ACER3: variants seen among roughly 807,000 people sequenced by gnomAD.
ACER3 encodes the protein alkCDase 3.
Under a neutral mutation model 48.9 loss-of-function variants are expected in ACER3, and 16 were observed. The observed-to-expected ratio is 0.33, with a 90% CI of 0.22 to 0.50. The LOEUF (loss-of-function observed/expected upper bound fraction) is 0.50, where lower values mean the gene tolerates loss of function less well. Among genes scored for constraint, ACER3 ranks in the 20% least tolerant of loss-of-function variants. The probability of loss-of-function intolerance (pLI) is 0.98; values close to 1 mark genes in which losing one functional copy is unlikely to be tolerated. For synonymous variants in ACER3, 109 were observed against 107.8 expected, an observed-to-expected ratio of 1.01 and a Z score of -0.07; for missense variants, 227 against 326.0, an observed-to-expected ratio of 0.70 and a Z score of 2.34.
intron 1 of ACER3, among the ~76,000 whole-genome samples, chr11:76,865,417 T>G (rs1945054780): frequency 1.3e-5 from 2 of 152,194 alleles, no homozygotes; most frequent in African/African-American, 4.8e-5. Flanking sequence ...TTAGCATAAT[T>G]TCTCCTGGGA....
chr11:76,936,843 G>A (rs953698810), intron 2 of ACER3, among the ~76,000 whole-genome samples: 4 of 151,500 alleles, frequency 2.6e-5, no homozygotes, highest in Admixed American at 6.6e-5. Context: ...TCAGCCTCCC[G>A]AGTAGCTGGG....
chr11:76,994,536 G>A (rs576030445), intron 6 of ACER3, among the ~76,000 whole-genome samples: 1 of 152,366 alleles, frequency 6.6e-6, no homozygotes, highest in South Asian at 2.1e-4. Context: ...AAAGTGCTGG[G>A]ATTACAGGCA....
chr11:76,979,968 A>T (rs1043077553), intron 4 of ACER3, among the ~76,000 whole-genome samples: 3 of 150,780 alleles, frequency 2.0e-5, no homozygotes, highest in African/African-American at 7.3e-5. Flanking sequence ...GGGAGACCTT[A>T]TCTCTACAAA....
chr11:76,909,267 C>T (rs1470200781), intron 1 of ACER3, among the ~76,000 whole-genome samples: 2 of 152,114 alleles, frequency 1.3e-5, no homozygotes, highest in Non-Finnish European at 2.9e-5. Flanking sequence ...CCAAAATTGA[C>T]AAATGGGATC....
intron 4 of ACER3, 79 bp downstream of exon 4, chr11:76,976,420 C>A: frequency 1.4e-6 from 1 of 738,628 alleles, no homozygotes; most frequent in South Asian, 1.8e-5. Context: ...ATAACTGATA[C>A]ATTTATATTA....
rs184433958 is a variant in ACER3, at chr11:76,915,000, G to A, written c.104-11557G>A. On this transcript the variant is annotated intron_variant, in intron 1 of 10. Coordinates refer to ENST00000532485, the MANE Select transcript of ACER3 (RefSeq NM_018367.7). ...CTCATAGGTGGGAATTGAACTATGA[G>A]AACACTTGGACACAGGGTGGGGAAC... 2.6e-5 allele frequency among the ~76,000 whole-genome samples: 4 copies of A among 152,196 alleles called. No individual in the cohort carries two copies. The East Asian group carries it at 5.8e-4, about 22-fold the overall frequency.
chr11:76,885,851 C>T (rs1945658779), intron 1 of ACER3, among the ~76,000 whole-genome samples: 1 of 152,068 alleles, frequency 6.6e-6, no homozygotes, highest in African/African-American at 2.4e-5. Flanking sequence ...GCAATTCCAC[C>T]AGGGTAAGCA....
At chr11:76,868,306 A>G (rs1354115885) in intron 1 of ACER3, 8 of 1,264,858 alleles carry the variant, frequency 6.3e-6, no homozygotes, top group African/African-American at 1.6e-5. Flanking sequence ...TCAAAAGTTC[A>G]TAAGTCAACT....
At chr11:76,924,646 A>G (rs2134800582) in intron 1 of ACER3, among the ~76,000 whole-genome samples, 1 of 152,060 alleles carries the variant, frequency 6.6e-6, no homozygotes, top group East Asian at 1.9e-4. Context: ...TTTTTATACC[A>G]TCCCTGCTTT....
intron 1 of ACER3, among the ~76,000 whole-genome samples, chr11:76,904,622 C>CCT (rs1487884688): frequency 2.0e-5 from 3 of 152,024 alleles, no homozygotes; most frequent in African/African-American, 7.2e-5. Context: ...TCAGAATAAA[C>CCT]CTCTTCAAAT....
At chr11:76,934,467 C>G (rs1025917546) in intron 2 of ACER3, among the ~76,000 whole-genome samples, 6 of 152,262 alleles carry the variant, frequency 3.9e-5, no homozygotes, top group African/African-American at 7.2e-5. Context: ...TGGCGGATCA[C>G]TTGTGGCTAG....
At chr11:76,885,973 TGTC>T (rs1174068654) in intron 1 of ACER3, among the ~76,000 whole-genome samples, 1 of 152,178 alleles carries the variant, frequency 6.6e-6, no homozygotes, top group East Asian at 1.9e-4. Context: ...AGAAAGCCGT[TGTC>T]GTGAGCATGC....
At chr11:76,995,614 T>TA (rs547288740) in intron 6 of ACER3, among the ~76,000 whole-genome samples, 29 of 149,852 alleles carry the variant, frequency 1.9e-4, no homozygotes, top group South Asian at 1.5e-3. Context: ...ATCTTTTTAT[T>TA]AAAAAAAAAA....
intron 1 of ACER3, among the ~76,000 whole-genome samples, chr11:76,865,460 G>A (rs1945056021): frequency 6.6e-6 from 1 of 151,260 alleles, no homozygotes; most frequent in Non-Finnish European, 1.5e-5. Flanking sequence ...ACTACTTTAT[G>A]CATTTACGTT....
intron 4 of ACER3, among the ~76,000 whole-genome samples, chr11:76,980,849 TA>T (rs1948569378): frequency 6.6e-6 from 1 of 152,232 alleles, no homozygotes; most frequent in Non-Finnish European, 1.5e-5. Context: ...ATAGTACTTA[TA>T]AATTTCCCAT....
At position 76,992,874 on chromosome 11, in the gene ACER3, C is replaced by CT. The variant is rs35182219; in HGVS notation, c.438+2312dup. On this transcript the variant is annotated intron_variant, in intron 6 of 10. Coordinates refer to ENST00000532485, the MANE Select transcript of ACER3 (RefSeq NM_018367.7). ...CCTCGTTGTTCAACAATCTCCCCAC[C>CT]TTTTTTTTTTTTGAAATAGAGCCTC... Among the ~76,000 whole-genome samples, 259 of 148,012 alleles carry CT rather than the reference C, an allele frequency of 1.7e-3. 1 individual carries two copies. Among genetic ancestry groups the CT allele is most frequent in the African/African-American group, 5.9e-3 (238 of 40,382 alleles).
chr11:77,017,255 AAGAG>A (rs1229457946), intron 9 of ACER3, among the ~76,000 whole-genome samples: 1 of 152,198 alleles, frequency 6.6e-6, no homozygotes, highest in Non-Finnish European at 1.5e-5. Flanking sequence ...CTAACAAAAA[AAGAG>A]AGAGAAGACT....
At chr11:76,911,247 A>G (rs1265788399) in intron 1 of ACER3, among the ~76,000 whole-genome samples, 2 of 152,154 alleles carry the variant, frequency 1.3e-5, no homozygotes, top group Non-Finnish European at 2.9e-5. Flanking sequence ...TGAGTTATTT[A>G]TGAGTTTTCC....
intron 2 of ACER3, among the ~76,000 whole-genome samples, chr11:76,958,332 G>T (rs1947897438): frequency 6.6e-6 from 1 of 151,112 alleles, no homozygotes; most frequent in South Asian, 2.1e-4. Flanking sequence ...TATTACGGGG[G>T]CCTGCCACCA....
Sources: gnomAD v4.1 joint callset for allele counts (sites outside exome capture counted in the v4.1 genomes callset) on GRCh38, gnomAD v4.1.1 for gene constraint, MANE v1.5 for transcripts, NCBI Gene and HGNC (gene_info 2026-07-23, HGNC 2026-07-21) for gene names.